Variants in ERCC4 observed in about 807,000 individuals in gnomAD.
ERCC4 encodes DNA repair endonuclease XPF.
A neutral mutation model predicts 76.9 loss-of-function variants in ERCC4; 65 were observed. The ratio of observed to expected loss-of-function variants is 0.84; its 90% CI spans 0.69 to 1.04. The LOEUF (loss-of-function observed/expected upper bound fraction) is 1.04. Ranked by LOEUF, ERCC4 falls within the 50% of genes least tolerant of loss-of-function variation. ERCC4 has a pLI of 0.00. For missense variants in ERCC4, 1,214 were observed against 1,128.2 expected (o/e 1.08, Z -1.09); for synonymous variants, 463 against 410.1 (o/e 1.13, Z -1.56).
rs768893462 is a variant in ERCC4 at position 13,922,009 on chromosome 16, A to C, written c.208-22A>C. The C allele has an allele frequency of 1.3e-5, 21 of 1,585,616 alleles. No homozygotes were observed. In the South Asian group the frequency reaches 2.0e-4, roughly 15 times the overall value. ...ACTGCCCTGTATTAAATAGCCTACT[A>C]ATCAAGTTTGATTTGATTTAGGAGT... On this transcript the variant is annotated intron_variant, in intron 1 of 10. Transcript: ENST00000311895.
At position 13,949,839 on chromosome 16, in the gene ERCC4, G is replaced by T. The variant is rs992200606; in HGVS notation, c.*1492G>T. On this transcript the variant is annotated 3_prime_UTR_variant, in exon 11 of 11. Coordinates refer to ENST00000311895, the MANE Select transcript of ERCC4 (RefSeq NM_005236.3). Reference sequence around the variant, plus strand: ...AGGAGCTGATATAGACATCAGTTCTGCTAGCCATATCACATATTTTAATGT... The same window carrying T: ...AGGAGCTGATATAGACATCAGTTCTTCTAGCCATATCACATATTTTAATGT... 1 of 232,366 alleles carries T rather than the reference G, an allele frequency of 4.3e-6. No individual in the cohort carries two copies. The highest frequency in any genetic ancestry group is 8.5e-6 in the Non-Finnish European group (1 of 117,652). The allele number at this position is 232,366 out of a possible 1,614,324, so 14.4% of individuals were successfully genotyped here.
At chr16:13,934,114 C>G (rs1274672813) in intron 6 of ERCC4, 78 bp from the exon 7 acceptor site, 6 of 869,262 alleles carry the variant, frequency 6.9e-6, no homozygotes, top group South Asian at 1.4e-5. Flanking sequence ...CTCGTGTTAT[C>G]TGTTGTTTTA....
chr16:13,938,877 G>C (rs927309539), intron 9 of ERCC4, among the ~76,000 whole-genome samples: 1 of 152,188 alleles, frequency 6.6e-6, no homozygotes, highest in African/African-American at 2.4e-5. Flanking sequence ...CTTGGAAATG[G>C]GGGTATTTGC....
intron 6 of ERCC4, chr16:13,932,602 G>T: frequency 2.3e-6 from 1 of 438,926 alleles, no homozygotes; most frequent in Non-Finnish European, 4.0e-6. Flanking sequence ...GAACTTCAAA[G>T]TAATTATTAT....
Position 13,948,291 on chromosome 16 carries a change from G to T in ERCC4, c.2695G>T (p.Asp899Tyr), listed in dbSNP as rs537592259. ...GNAANAKQLY[D>Y]FIHTSFAEVV... ...TGCTGCAAATGCCAAACAGCTTTAT[G>T]ATTTCATTCACACCTCTTTTGCAGA... The change falls in exon 11 of 11, where the codon GAT (aspartate) becomes TAT (tyrosine). Residue 899 changes from aspartate (D) to tyrosine (Y), a missense_variant. By Grantham distance (160) the Asp-to-Tyr change is radical. Coordinates refer to ENST00000311895, the MANE Select transcript of ERCC4 (RefSeq NM_005236.3). 2 of 1,613,816 alleles carry T rather than the reference G, an allele frequency of 1.2e-6. No individual in the cohort carries two copies. Among genetic ancestry groups the T allele is most frequent in the Non-Finnish European group, 1.7e-6 (2 of 1,180,032 alleles).
rs544513268 is a variant in ERCC4, at chr16:13,951,372, A to G, written c.*3025A>G. 8 of 198,278 alleles carry G rather than the reference A, an allele frequency of 4.0e-5. No homozygotes were observed. The South Asian group carries it at 7.7e-4, about 19-fold the overall frequency. 12.3% of individuals were successfully genotyped at this position (198,278 alleles called of 1,614,324 possible). ...TTTTTCTATTTTACAAGTTTTTTGT[A>G]TAAAAAGGTGAACATATGAGATATT... On this transcript the variant is annotated 3_prime_UTR_variant, in exon 11 of 11. Coordinates refer to ENST00000311895, the MANE Select transcript of ERCC4 (RefSeq NM_005236.3).
chr16:13,934,744 A>T, intron 7 of ERCC4: 1 of 242,778 alleles, frequency 4.1e-6, no homozygotes, highest in South Asian at 6.3e-5. Flanking sequence ...ATATGTAATG[A>T]GCCGGTACAA....
intron 10 of ERCC4, among the ~76,000 whole-genome samples, chr16:13,947,299 A>T (rs1596635793): frequency 6.6e-6 from 1 of 152,208 alleles, no homozygotes; most frequent in Admixed American, 6.5e-5. Flanking sequence ...TTGGGAATAC[A>T]TTGACCAACA....
At chr16:13,934,096 T>A (rs1316532142) in intron 6 of ERCC4, 96 bp from the exon 7 acceptor site, 2 of 752,464 alleles carry the variant, frequency 2.7e-6, no homozygotes, top group African/African-American at 3.5e-5. Context: ...TGGGCATATG[T>A]ACTGATGCTC....
At chr16:13,947,564 CCTT>C in intron 10 of ERCC4, 47 bp from the exon 11 acceptor site, 1 of 1,601,332 alleles carries the variant, frequency 6.2e-7, no homozygotes, top group Non-Finnish European at 8.6e-7. Flanking sequence ...TTGTTATATT[CCTT>C]CTTTGAGAGT....
intron 2 of ERCC4, among the ~76,000 whole-genome samples, chr16:13,924,308 T>C (rs1284201524): frequency 6.6e-6 from 1 of 152,158 alleles, no homozygotes; most frequent in African/African-American, 2.4e-5. Context: ...GGGAGAACTA[T>C]ATAAATATCT....
intron 8 of ERCC4, among the ~76,000 whole-genome samples, chr16:13,937,485 G>T (rs749085604): frequency 6.6e-6 from 1 of 152,132 alleles, no homozygotes; most frequent in African/African-American, 2.4e-5. Context: ...TATGAGGAGA[G>T]AATTATTCTA....
chr16:13,934,135 GA>G, intron 6 of ERCC4, 56 bp from the exon 7 acceptor site: 1 of 1,152,256 alleles, frequency 8.7e-7, no homozygotes, highest in Non-Finnish European at 1.3e-6. Flanking sequence ...AAAGCCTTTG[GA>G]AGACTTTATG....
At chr16:13,921,626 G>A (rs2031978365) in intron 1 of ERCC4, among the ~76,000 whole-genome samples, 1 of 152,190 alleles carries the variant, frequency 6.6e-6, no homozygotes, top group Non-Finnish European at 1.5e-5. Context: ...GCACAGAACT[G>A]ATAGTCTAAA....
chr16:13,951,731 A>G lies in ERCC4; in HGVS notation c.*3384A>G, dbSNP rs1025282863. ...AGTAGGAAAACCTACACTAAAGCAA[A>G]TCCGAAGAAGTGGGGCAGGGGGAAA... On this transcript the variant is annotated 3_prime_UTR_variant, in exon 11 of 11. Coordinates refer to ENST00000311895, the MANE Select transcript of ERCC4 (RefSeq NM_005236.3). The G allele has an allele frequency of 9.1e-6, 2 of 220,560 alleles. No individual in the cohort carries two copies. The highest frequency in any genetic ancestry group is 4.5e-5 in the African/African-American group (2 of 44,610). 13.7% of individuals were successfully genotyped at this position (220,560 alleles called of 1,614,324 possible). A position where few individuals can be genotyped will look rare whatever the true frequency, so the allele number is the denominator to read the frequency against.
intron 5 of ERCC4, 65 bp from the exon 6 acceptor site, chr16:13,932,092 C>T: frequency 5.8e-6 from 8 of 1,384,898 alleles, no homozygotes; most frequent in Non-Finnish European, 7.2e-6. Flanking sequence ...GTCATGTGAC[C>T]ATCAGAGACT....
Position 13,948,071 on chromosome 16 carries a change from G to A in ERCC4, c.2475G>A (p.Ala825=), listed in dbSNP as rs200818432. 74 of 1,613,972 alleles carry A rather than the reference G, an allele frequency of 4.6e-5. No homozygotes were observed. The Middle Eastern group carries it at 8.2e-4, about 18-fold the overall frequency. The change falls in exon 11 of 11, where the codon GCG becomes GCA. Residue 825 remains alanine (A), a synonymous_variant. Transcript: ENST00000311895. ...AACAAAGCAAGCCACAGCCTGATGC[G>A]GCGACAGCACTGGCCATTACAGCAG... ...ELKQSKPQPD[A]ATALAITADS...
At chr16:13,934,910 C>CTTGTACTTGTACTA in intron 7 of ERCC4, 1 of 459,844 alleles carries the variant, frequency 2.2e-6, no homozygotes, top group East Asian at 3.3e-5. Context: ...CACAGTTGTA[C>CTTGTACTTGTACTA]TTTCATAAGA....
intron 8 of ERCC4, among the ~76,000 whole-genome samples, chr16:13,937,438 C>G (rs928413657): frequency 4.6e-5 from 7 of 152,070 alleles, no homozygotes; most frequent in African/African-American, 1.4e-4. Context: ...ATTGGAGAAG[C>G]CTCTAAAATT....
Sources: gnomAD v4.1 joint callset for allele counts (sites outside exome capture counted in the v4.1 genomes callset) on GRCh38, gnomAD v4.1.1 for gene constraint, MANE v1.5 for transcripts, NCBI Gene and HGNC (gene_info 2026-07-23, HGNC 2026-07-21) for gene names.